Variants in TBC1D22B observed in about 807,000 individuals in gnomAD.
TBC1D22B encodes TBC1 domain family member 22B.
In TBC1D22B, 32 loss-of-function variants were observed where a neutral mutation model predicts 69.1. The ratio of observed to expected loss-of-function variants is 0.46; its 90% CI spans 0.35 to 0.62. The LOEUF (loss-of-function observed/expected upper bound fraction) is 0.62. Ranked by LOEUF, TBC1D22B falls within the 20% of genes least tolerant of loss-of-function variation. The pLI is 0.00. For missense variants in TBC1D22B, 462 were observed against 630.9 expected, an observed-to-expected ratio of 0.73 and a Z score of 2.87; for synonymous variants, 206 against 229.8, an observed-to-expected ratio of 0.90 and a Z score of 0.94.
At chr6:37,282,823 C>T (rs997948277) in intron 4 of TBC1D22B, 59 bp from the exon 5 acceptor site, 13 of 1,521,378 alleles carry the variant, frequency 8.5e-6, no homozygotes, top group South Asian at 3.4e-5. Flanking sequence ...GTGCTGGTTG[C>T]GGTTTGCTTT....
At chr6:37,326,224 G>A (rs1294501137) in intron 12 of TBC1D22B, among the ~76,000 whole-genome samples, 2 of 151,362 alleles carry the variant, frequency 1.3e-5, no homozygotes, top group African/African-American at 2.4e-5. Flanking sequence ...CACTAAAAAT[G>A]CAAAAATTAG....
intron 8 of TBC1D22B, among the ~76,000 whole-genome samples, chr6:37,295,129 G>T (rs1019857868): frequency 6.6e-6 from 1 of 152,096 alleles, no homozygotes; most frequent in Non-Finnish European, 1.5e-5. Flanking sequence ...TGGAGACAGG[G>T]TCCCACTCTG....
At chr6:37,281,294 A>T (rs997315029) in intron 3 of TBC1D22B, among the ~76,000 whole-genome samples, 1 of 152,244 alleles carries the variant, frequency 6.6e-6, no homozygotes, top group Admixed American at 6.5e-5. Flanking sequence ...CAAATGAGAG[A>T]TCATATGTAA....
In TBC1D22B at chr6:37,257,935, C is replaced by G. The variant is rs1370480963; in HGVS notation, c.18C>G (p.Ser6Arg). MAAEN[S>R]KQFWKRSAKL... The stretch of plus-strand genomic sequence containing the variant: ...CCAGAGCAATGGCCGCTGAGAACAG[C>G]AAGCAGTTTTGGAAGAGGAGCGCTA... Residue 6 changes from serine to arginine, a missense_variant, in exon 1 of 13, where the codon AGC becomes AGG. Transcript: ENST00000373491. 7 of 1,613,972 alleles carry G rather than the reference C, an allele frequency of 4.3e-6. No individual in the cohort carries two copies. The African/African-American group carries it at 9.3e-5, about 22-fold the overall frequency.
At chr6:37,274,677 C>T (rs762560857) in intron 2 of TBC1D22B, among the ~76,000 whole-genome samples, 14 of 152,178 alleles carry the variant, frequency 9.2e-5, no homozygotes, top group Non-Finnish European at 1.5e-4. Flanking sequence ...TATAATTTAT[C>T]GTACAGTTGT....
chr6:37,315,615 C>T (rs1184671092), intron 10 of TBC1D22B, among the ~76,000 whole-genome samples: 4 of 152,146 alleles, frequency 2.6e-5, no homozygotes, highest in East Asian at 3.9e-4. Flanking sequence ...CTTGCTCTGT[C>T]GCCCAGGCTA....
At chr6:37,291,701 C>G (rs1461708047) in intron 8 of TBC1D22B, among the ~76,000 whole-genome samples, 7 of 152,178 alleles carry the variant, frequency 4.6e-5, no homozygotes, top group African/African-American at 1.7e-4. Context: ...GATTGGACAT[C>G]AAGCCTGCAC....
intron 1 of TBC1D22B, among the ~76,000 whole-genome samples, chr6:37,265,554 C>A (rs1766244261): frequency 6.7e-6 from 1 of 150,152 alleles, no homozygotes; most frequent in South Asian, 2.1e-4. Flanking sequence ...TTCCCGTGGT[C>A]AGTGGGGGTG....
At chr6:37,265,491 A>G (rs1766240710) in intron 1 of TBC1D22B, among the ~76,000 whole-genome samples, 1 of 149,494 alleles carries the variant, frequency 6.7e-6, no homozygotes, top group Admixed American at 6.7e-5. Context: ...GTACTCTTAG[A>G]TTATTTGCAG....
At chr6:37,270,634 A>G (rs558465340) in intron 2 of TBC1D22B, among the ~76,000 whole-genome samples, 2 of 152,242 alleles carry the variant, frequency 1.3e-5, no homozygotes, top group South Asian at 2.1e-4. Flanking sequence ...TCACTGAGCC[A>G]CAGTGAATTT....
chr6:37,269,575 C>A lies in TBC1D22B; in HGVS notation c.57-19C>A, dbSNP rs1337634898. 6.2e-7 allele frequency: 1 copy of A among 1,613,708 alleles called. No homozygotes were observed. The highest frequency in any genetic ancestry group is 8.5e-7 in the Non-Finnish European group (1 of 1,179,716). ...TCCTAACTAAACTAACTATTTCTTC[C>A]TTTTGTTTTTGCTTTTAGCATTCAG... On this transcript the variant is annotated intron_variant, in intron 1 of 12. Transcript: ENST00000373491.
At chr6:37,284,859 C>T (rs1356202511) in intron 6 of TBC1D22B, among the ~76,000 whole-genome samples, 1 of 152,104 alleles carries the variant, frequency 6.6e-6, no homozygotes, top group Non-Finnish European at 1.5e-5. Flanking sequence ...GAGTAGTAAG[C>T]GTTATCGAGC....
At chr6:37,298,251 A>G (rs1767450295) in intron 8 of TBC1D22B, among the ~76,000 whole-genome samples, 1 of 152,198 alleles carries the variant, frequency 6.6e-6, no homozygotes, top group African/African-American at 2.4e-5. Flanking sequence ...CCCACCTCCA[A>G]GATAACTACA....
At chr6:37,294,373 AT>A (rs1391795428) in intron 8 of TBC1D22B, among the ~76,000 whole-genome samples, 3 of 152,120 alleles carry the variant, frequency 2.0e-5, no homozygotes, top group African/African-American at 7.2e-5. Flanking sequence ...GGGTCTTGGT[AT>A]GTTGCCCAGG....
chr6:37,312,898 C>A lies in TBC1D22B; in HGVS notation c.983-20C>A, dbSNP rs1652089159. ...TTTTTAGATAAGACCTCTGGACTTTCTTCACCTTTTGTTTTACAGAAGAGG... is the reference window on the plus strand; with the variant it reads ...TTTTTAGATAAGACCTCTGGACTTTATTCACCTTTTGTTTTACAGAAGAGG... On this transcript the variant is annotated intron_variant, in intron 8 of 12. Coordinates refer to ENST00000373491, the MANE Select transcript of TBC1D22B (RefSeq NM_017772.4). The A allele has an allele frequency of 6.3e-7, 1 of 1,599,140 alleles. No individual in the cohort carries two copies. The highest frequency in any genetic ancestry group is 8.6e-7 in the Non-Finnish European group (1 of 1,166,768).
chr6:37,318,758 G>C (rs1460982218), intron 12 of TBC1D22B, among the ~76,000 whole-genome samples: 2 of 152,136 alleles, frequency 1.3e-5, no homozygotes, highest in African/African-American at 4.8e-5. Flanking sequence ...TATGTTAGGT[G>C]GTGGGTAGGC....
chr6:37,267,387 A>C (rs1407204991), intron 1 of TBC1D22B, among the ~76,000 whole-genome samples: 5 of 2,892 alleles, frequency 1.7e-3, no homozygotes, highest in Non-Finnish European at 5.0e-3. Flanking sequence ...CATATATAAT[A>C]TATATATACA....
chr6:37,315,100 A>G (rs73732933), intron 10 of TBC1D22B, among the ~76,000 whole-genome samples: 5,036 of 152,220 alleles, frequency 0.033, 247 homozygotes, highest in African/African-American at 0.11. Flanking sequence ...CTGGTCATCA[A>G]TCAAGTTTCA....
At position 37,331,414 on chromosome 6, in the gene TBC1D22B, T is replaced by C. The variant is rs1197155847; in HGVS notation, c.*242T>C. ...CAGTTCTGGGAGAGGACAGAAAAGGTGGTACAGGGTTGTCTGCCCCTTTAA... is the reference window on the plus strand; with the variant it reads ...CAGTTCTGGGAGAGGACAGAAAAGGCGGTACAGGGTTGTCTGCCCCTTTAA... On this transcript the variant is annotated 3_prime_UTR_variant, in exon 13 of 13. Coordinates refer to ENST00000373491, the MANE Select transcript of TBC1D22B (RefSeq NM_017772.4). 1 of 441,410 alleles carries C rather than the reference T, an allele frequency of 2.3e-6. No homozygotes were observed. Among genetic ancestry groups the C allele is most frequent in the African/African-American group, 2.0e-5 (1 of 50,618 alleles). The allele number at this position is 441,410 out of a possible 1,614,324, so 27.3% of individuals were successfully genotyped here.
Sources: allele counts gnomAD v4.1 joint callset (sites outside exome capture counted in the v4.1 genomes callset), GRCh38; gene constraint gnomAD v4.1.1; transcripts MANE v1.5; gene names NCBI Gene and HGNC (gene_info 2026-07-23, HGNC 2026-07-21).